NFXL1: variants seen among roughly 807,000 people sequenced by gnomAD.
NFXL1 encodes nuclear transcription factor, X-box binding like 1.
Under a neutral mutation model 123.3 loss-of-function variants are expected in NFXL1, and 66 were observed. That is an observed-to-expected ratio of 0.54 (90% CI 0.44 to 0.66). NFXL1 has a LOEUF of 0.66. NFXL1 is among the 30% of genes least tolerant of loss of function. The pLI is 0.00. For synonymous variants in NFXL1, 346 were observed against 360.8 expected, an observed-to-expected ratio of 0.96 and a Z score of 0.46; for missense variants, 944 against 1,125.6, an observed-to-expected ratio of 0.84 and a Z score of 2.31.
chr4:47,859,766 T>C (rs1365670712), intron 19 of NFXL1, among the ~76,000 whole-genome samples: 5 of 132,938 alleles, frequency 3.8e-5, no homozygotes, highest in African/African-American at 1.4e-4. Context: ...CGCTTGAACC[T>C]GGGAGGTGGA....
At chr4:47,874,920 A>C (rs928486571) in intron 18 of NFXL1, among the ~76,000 whole-genome samples, 2 of 152,180 alleles carry the variant, frequency 1.3e-5, no homozygotes, top group Non-Finnish European at 2.9e-5. Context: ...GAATCCCGAA[A>C]TGGAAAAAAA....
chr4:47,900,344 C>T (rs533447754), intron 5 of NFXL1, among the ~76,000 whole-genome samples: 1 of 151,950 alleles, frequency 6.6e-6, no homozygotes, highest in Non-Finnish European at 1.5e-5. Flanking sequence ...CAAGTAGCTG[C>T]GAATACAGGT....
At chr4:47,870,600 CA>C (rs1483039504) in intron 18 of NFXL1, among the ~76,000 whole-genome samples, 1 of 129,904 alleles carries the variant, frequency 7.7e-6, no homozygotes, top group Non-Finnish European at 1.8e-5. Flanking sequence ...ACCAAAACCC[CA>C]AGGAAAAAAA....
At position 47,905,218 on chromosome 4, in the gene NFXL1, A is replaced by T; in HGVS notation, c.516+19T>A. The T allele has an allele frequency of 9.4e-7, 1 of 1,063,420 alleles. No individual in the cohort carries two copies. Among genetic ancestry groups the T allele is most frequent in the Non-Finnish European group, 1.4e-6 (1 of 692,298 alleles). 65.9% of individuals were successfully genotyped at this position (1,063,420 alleles called of 1,614,324 possible). A position where few individuals can be genotyped will look rare whatever the true frequency, so the allele number is the denominator to read the frequency against. ...TATTTTGGGGAGATACATTAATATA[A>T]ATAAGGAGAAAAACTTACTGCTTGG... is the stretch of plus-strand genomic sequence containing the variant. On this transcript the variant is annotated intron_variant, in intron 4 of 22. Transcript: ENST00000507489.
intron 22 of NFXL1, among the ~76,000 whole-genome samples, chr4:47,850,117 T>C (rs1453778597): frequency 6.6e-6 from 1 of 152,072 alleles, no homozygotes; most frequent in Admixed American, 6.5e-5. Flanking sequence ...TATAAAAAGA[T>C]AGCAAAGGGA....
chr4:47,895,814 T>C, intron 10 of NFXL1, among the ~76,000 whole-genome samples: 1 of 152,238 alleles, frequency 6.6e-6, no homozygotes, highest in Non-Finnish European at 1.5e-5. Context: ...CATGGCTAAT[T>C]GATGCAAGAG....
intron 20 of NFXL1, among the ~76,000 whole-genome samples, chr4:47,853,041 A>G (rs1734213625): frequency 6.6e-6 from 1 of 151,906 alleles, no homozygotes; most frequent in Non-Finnish European, 1.5e-5. Flanking sequence ...CTCCAAAGAC[A>G]GTCCAGACAT....
chr4:47,907,784 T>A (rs1036234019), intron 3 of NFXL1, among the ~76,000 whole-genome samples: 3 of 152,220 alleles, frequency 2.0e-5, no homozygotes, highest in African/African-American at 7.2e-5. Flanking sequence ...TGAAAGACAT[T>A]ATTGCATTTT....
chr4:47,850,437 T>A lies in NFXL1; in HGVS notation c.2562+658A>T, dbSNP rs189297549. 3.9e-3 allele frequency among the ~76,000 whole-genome samples: 587 copies of A among 152,184 alleles called. 14 individuals carry two copies. Among genetic ancestry groups the A allele is most frequent in the East Asian group, 2.3e-3 (12 of 5,192 alleles). On this transcript the variant is annotated intron_variant, in intron 22 of 22. Transcript: ENST00000507489. The stretch of plus-strand genomic sequence containing the variant: ...TAGCTTAGCACACAATACAATCTGA[T>A]AAGTATAAAGCATTTCAAGATACAA...
chr4:47,854,202 G>C (rs1476172276), intron 20 of NFXL1, among the ~76,000 whole-genome samples: 1 of 151,788 alleles, frequency 6.6e-6, no homozygotes, highest in Non-Finnish European at 1.5e-5. Flanking sequence ...GAAAGGCAAA[G>C]GACCTATAAA....
intron 10 of NFXL1, among the ~76,000 whole-genome samples, chr4:47,896,185 A>C (rs952797680): frequency 6.6e-5 from 10 of 152,226 alleles, no homozygotes; most frequent in African/African-American, 2.2e-4. Flanking sequence ...ATGATAATGA[A>C]AAAGTCTGAA....
At chr4:47,907,124 G>C (rs1163982545) in intron 3 of NFXL1, among the ~76,000 whole-genome samples, 1 of 152,198 alleles carries the variant, frequency 6.6e-6, no homozygotes, top group Non-Finnish European at 1.5e-5. Context: ...CAGTACACAG[G>C]CAGAGTAAGG....
chr4:47,882,267 A>C (rs1578017200), intron 15 of NFXL1: 1 of 152,344 alleles, frequency 6.6e-6, no homozygotes, highest in Middle Eastern at 3.4e-3. Context: ...TGGTCTAATG[A>C]AATGTCAAAA....
intron 6 of NFXL1, 43 bp from the exon 7 acceptor site, chr4:47,899,163 TA>T: frequency 7.8e-7 from 1 of 1,290,234 alleles, no homozygotes. Context: ...AAAAAAAATC[TA>T]AAGTCAGAAA....
intron 10 of NFXL1, among the ~76,000 whole-genome samples, chr4:47,895,745 T>C (rs1737047881): frequency 6.6e-6 from 1 of 152,236 alleles, no homozygotes; most frequent in Non-Finnish European, 1.5e-5. Flanking sequence ...TTAACATTCC[T>C]GTATTCACTG....
intron 18 of NFXL1, among the ~76,000 whole-genome samples, chr4:47,869,476 A>G (rs1735301365): frequency 6.6e-6 from 1 of 152,212 alleles, no homozygotes; most frequent in East Asian, 1.9e-4. Flanking sequence ...TGCTCTGATC[A>G]CAATGCAATA....
At chr4:47,875,323 A>G (rs1299589061) in intron 17 of NFXL1, 30 bp from the exon 18 acceptor site, 2 of 1,572,344 alleles carry the variant, frequency 1.3e-6, no homozygotes, top group Non-Finnish European at 1.7e-6. Context: ...TAAATCACCT[A>G]AGTACAAGGT....
In NFXL1 at chr4:47,847,831, T is replaced by C. The variant is rs1188242543; in HGVS notation, c.*332A>G. On this transcript the variant is annotated 3_prime_UTR_variant, in exon 23 of 23. Coordinates refer to ENST00000507489, the MANE Select transcript of NFXL1 (RefSeq NM_001278624.2). ...CAGATATGGCTCAGTCTCATCTGAA[T>C]TATTTTTTTAAAAGTGTTGGTTTGA... 3 of 170,706 alleles carry C rather than the reference T, an allele frequency of 1.8e-5. No homozygotes were observed. The highest frequency in any genetic ancestry group is 7.1e-5 in the African/African-American group (3 of 42,290). 10.6% of individuals were successfully genotyped at this position (170,706 alleles called of 1,614,324 possible). A position where few individuals can be genotyped will look rare whatever the true frequency, so the allele number is the denominator to read the frequency against.
At chr4:47,881,635 G>A (rs945392741) in intron 15 of NFXL1, among the ~76,000 whole-genome samples, 2 of 152,096 alleles carry the variant, frequency 1.3e-5, no homozygotes, top group Non-Finnish European at 2.9e-5. Context: ...CAACCAAAAT[G>A]TTCTTCTATG....
Sources: allele counts gnomAD v4.1 joint callset (sites outside exome capture counted in the v4.1 genomes callset), GRCh38; gene constraint gnomAD v4.1.1; transcripts MANE v1.5; gene names NCBI Gene and HGNC (gene_info 2026-07-23, HGNC 2026-07-21).